The following ADNP variants were observed in gnomAD, a reference collection of about 807,000 sequenced individuals.
ADNP encodes activity-dependent neuroprotector homeobox protein.
In ADNP, 4 loss-of-function variants were observed where a neutral mutation model predicts 84.9. The observed-to-expected ratio is 0.05, with a 90% CI of 0.02 to 0.11. The LOEUF (loss-of-function observed/expected upper bound fraction) is 0.11, where lower values mean the gene tolerates loss of function less well. Ranked by LOEUF, ADNP falls within the 10% of genes least tolerant of loss-of-function variation. The pLI, the probability that ADNP is intolerant of heterozygous loss-of-function variation, is 1.00. For missense variants in ADNP, 1,132 were observed against 1,326.0 expected, an observed-to-expected ratio of 0.85 and a Z score of 2.27; for synonymous variants, 554 against 468.1, an observed-to-expected ratio of 1.18 and a Z score of -2.37.
At chr20:50,896,447 C>T (rs542999012) in intron 5 of ADNP, among the ~76,000 whole-genome samples, 11 of 151,906 alleles carry the variant, frequency 7.2e-5, no homozygotes, top group African/African-American at 1.7e-4. Context: ...AAAAATTAAC[C>T]GGACGTGGTG....
intron 2 of ADNP, among the ~76,000 whole-genome samples, chr20:50,911,120 C>T (rs1337619585): frequency 1.3e-5 from 2 of 152,216 alleles, no homozygotes. Context: ...AAGAGTCAGA[C>T]AGCTGGAATG....
intron 1 of ADNP, among the ~76,000 whole-genome samples, chr20:50,929,888 A>C (rs150912050): frequency 6.6e-6 from 1 of 152,154 alleles, no homozygotes; most frequent in African/African-American, 2.4e-5. Context: ...AGAAGTGTCC[A>C]GAGTAACTGG....
intron 2 of ADNP, among the ~76,000 whole-genome samples, chr20:50,919,947 G>A (rs959379569): frequency 2.6e-5 from 4 of 152,106 alleles, no homozygotes; most frequent in African/African-American, 7.2e-5. Flanking sequence ...TGCAGGTAAC[G>A]AAGTACAGAA....
chr20:50,924,230 GTTTCT>G (rs1349203114), intron 2 of ADNP, among the ~76,000 whole-genome samples: 21 of 152,190 alleles, frequency 1.4e-4, no homozygotes, highest in African/African-American at 4.8e-4. Context: ...CATAAACAAC[GTTTCT>G]TTTTAGATTC....
intron 2 of ADNP, among the ~76,000 whole-genome samples, chr20:50,907,318 T>G (rs1007959807): frequency 1.6e-4 from 22 of 141,536 alleles, no homozygotes; most frequent in African/African-American, 5.7e-4. Context: ...CAGGCTGGAG[T>G]GCAATGGCAC....
chr20:50,922,156 A>G (rs6126126), intron 2 of ADNP, among the ~76,000 whole-genome samples: 34,115 of 152,058 alleles, frequency 0.22, 4,120 homozygotes, highest in Non-Finnish European at 0.26. Flanking sequence ...CACCACACAG[A>G]AGTCGTGAAG....
intron 2 of ADNP, among the ~76,000 whole-genome samples, chr20:50,919,289 G>GTATATATATATATATATATATATATA (rs1359779030): frequency 6.2e-5 from 4 of 64,690 alleles, no homozygotes; most frequent in African/African-American, 2.2e-4. Flanking sequence ...ATATATTTAA[G>GTATATATATATATATATATATATATA]TGTATATATA....
At chr20:50,927,658 A>G (rs1984381575) in intron 2 of ADNP, among the ~76,000 whole-genome samples, 1 of 151,998 alleles carries the variant, frequency 6.6e-6, no homozygotes, top group African/African-American at 2.4e-5. Context: ...AGCCTCCCAA[A>G]GTTTTGGGAT....
chr20:50,899,197 G>GT (rs111552447), intron 5 of ADNP, among the ~76,000 whole-genome samples: 4,809 of 140,856 alleles, frequency 0.034, 204 homozygotes, highest in African/African-American at 0.1. Context: ...TGGTAATGAG[G>GT]TTTTTTTTTT....
intron 2 of ADNP, among the ~76,000 whole-genome samples, chr20:50,925,330 G>T (rs991101216): frequency 6.6e-6 from 1 of 151,032 alleles, no homozygotes; most frequent in Non-Finnish European, 1.5e-5. Context: ...AACTTGAGAA[G>T]CATGATAATA....
intron 2 of ADNP, among the ~76,000 whole-genome samples, chr20:50,907,044 T>C (rs942157550): frequency 6.9e-6 from 1 of 145,764 alleles, no homozygotes; most frequent in Non-Finnish European, 1.5e-5. Flanking sequence ...CTTGGCTCAC[T>C]GCAAGCTCCG....
intron 3 of ADNP, chr20:50,904,510 G>A (rs1389034069): frequency 6.5e-6 from 1 of 153,258 alleles, no homozygotes; most frequent in Non-Finnish European, 1.5e-5. Flanking sequence ...GAGCCACTGA[G>A]CCGAGCACAT....
chr20:50,930,205 C>T (rs1289976822), intron 1 of ADNP, among the ~76,000 whole-genome samples: 1 of 152,022 alleles, frequency 6.6e-6, no homozygotes, highest in Non-Finnish European at 1.5e-5. Flanking sequence ...TCAGAATGTT[C>T]GAAAGAGGTG....
At chr20:50,909,584 A>T (rs1165254385) in intron 2 of ADNP, 1 of 152,206 alleles carries the variant, frequency 6.6e-6, no homozygotes, top group African/African-American at 2.4e-5. Flanking sequence ...AGAGATGAGT[A>T]AGACATGGTT....
At chr20:50,918,989 A>T (rs886559486) in intron 2 of ADNP, among the ~76,000 whole-genome samples, 1 of 152,194 alleles carries the variant, frequency 6.6e-6, no homozygotes, top group African/African-American at 2.4e-5. Flanking sequence ...TAAAAGTTTT[A>T]TTTATTTTAA....
rs1207733071 is a variant in ADNP at position 50,930,983 on chromosome 20, C to G, written c.-422G>C. The G allele has an allele frequency of 6.9e-6, 1 of 144,726 alleles. No individual in the cohort carries two copies. Among genetic ancestry groups the G allele is most frequent in the East Asian group, 2.1e-4 (1 of 4,866 alleles). 9.0% of individuals were successfully genotyped at this position (144,726 alleles called of 1,614,324 possible). A position where few individuals can be genotyped will look rare whatever the true frequency, so the allele number is the denominator to read the frequency against. ...CGGCTCGGCGGACTCCGGCTCGCGCCGCGGCCGCGGGTGCTGCCGGGGGGC... is the reference window on the plus strand; with the variant it reads ...CGGCTCGGCGGACTCCGGCTCGCGCGGCGGCCGCGGGTGCTGCCGGGGGGC... On this transcript the variant is annotated 5_prime_UTR_variant, in exon 1 of 6. Coordinates refer to ENST00000621696, the MANE Select transcript of ADNP (RefSeq NM_001282531.3).
rs1333307539 is a variant in ADNP at position 50,913,934 on chromosome 20, CTA to C, written c.-89-9087_-89-9086del. On this transcript the variant is annotated intron_variant, in intron 2 of 5. Coordinates refer to ENST00000621696, the MANE Select transcript of ADNP (RefSeq NM_001282531.3). ...TTGGAGTGCCAGTGAATGATAAAGA[CTA>C]TGCGAGATTGGTCTCCTCTTCAGAC... 1.2e-5 allele frequency: 8 copies of C among 679,618 alleles called. No homozygotes were observed. In the East Asian group the frequency reaches 1.6e-4, roughly 14 times the overall value. The allele number at this position is 679,618 out of a possible 1,614,324, so 42.1% of individuals were successfully genotyped here.
rs774553100 is a variant in ADNP, at chr20:50,893,754, G to C, written c.960C>G (p.Asn320Lys). 6.2e-7 allele frequency: 1 copy of C among 1,614,150 alleles called. No individual in the cohort carries two copies. Among genetic ancestry groups the C allele is most frequent in the East Asian group, 2.2e-5 (1 of 44,890 alleles). The change falls in exon 6 of 6, where the codon AAC becomes AAG. Residue 320 changes from asparagine to lysine, a missense_variant. Coordinates refer to ENST00000621696, the MANE Select transcript of ADNP (RefSeq NM_001282531.3). The surrounding 1 kb of genome is among the most constrained non-coding windows in gnomAD (Gnocchi z 4.4). ...PKPNLNSTGV[N>K]MMSSVHLQQN... Reference sequence around the variant, plus strand: ...GCTGCAGATGAACACTGGACATCATGTTGACTCCTGTAGAATTTAAGTTAG... The same window carrying C: ...GCTGCAGATGAACACTGGACATCATCTTGACTCCTGTAGAATTTAAGTTAG...
At chr20:50,899,898 C>G (rs1162670590) in intron 5 of ADNP, among the ~76,000 whole-genome samples, 1 of 129,374 alleles carries the variant, frequency 7.7e-6, no homozygotes, top group Non-Finnish European at 1.5e-5. Flanking sequence ...GGAGCGGTAG[C>G]AAGATTCATT....
Sources: gnomAD v4.1 joint callset for allele counts (sites outside exome capture counted in the v4.1 genomes callset) on GRCh38, gnomAD v4.1.1 for gene constraint, Gnocchi (gnomAD v3.1) non-coding constraint, MANE v1.5 for transcripts, NCBI Gene and HGNC (gene_info 2026-07-23, HGNC 2026-07-21) for gene names.